Variants in VPS54 observed in about 807,000 individuals in gnomAD.
The protein encoded by VPS54 is vacuolar protein sorting-associated protein 54.
VPS54 carries 45 observed loss-of-function variants against 121.5 expected under a neutral mutation model. The ratio of observed to expected loss-of-function variants is 0.37; its 90% CI spans 0.29 to 0.47. The LOEUF (loss-of-function observed/expected upper bound fraction) is 0.47, where lower values mean the gene tolerates loss of function less well. Ranked by LOEUF, VPS54 falls within the 20% of genes least tolerant of loss-of-function variation. The pLI, the probability that VPS54 is intolerant of heterozygous loss-of-function variation, is 0.99. For synonymous variants in VPS54, 371 were observed against 385.8 expected (o/e 0.96, Z 0.45); for missense variants, 1,090 against 1,131.4 (o/e 0.96, Z 0.52).
intron 1 of VPS54, among the ~76,000 whole-genome samples, chr2:63,990,296 C>CTCTTTT (rs1677256934): frequency 6.6e-6 from 1 of 152,098 alleles, no homozygotes; most frequent in Non-Finnish European, 1.5e-5. Context: ...TTTCTTTTCA[C>CTCTTTT]GAAGAGCCAG....
At chr2:63,941,492 G>C (rs1421825321) in intron 11 of VPS54, among the ~76,000 whole-genome samples, 1 of 152,160 alleles carries the variant, frequency 6.6e-6, no homozygotes, top group Non-Finnish European at 1.5e-5. Context: ...CTCCCAAAGT[G>C]ATAGGATTAC....
At chr2:64,011,611 T>C (rs1165099208) in intron 1 of VPS54, among the ~76,000 whole-genome samples, 1 of 151,984 alleles carries the variant, frequency 6.6e-6, no homozygotes, top group Non-Finnish European at 1.5e-5. Context: ...GGAATATGAA[T>C]AAACTATACT....
At chr2:64,010,187 T>A (rs1678365000) in intron 1 of VPS54, among the ~76,000 whole-genome samples, 1 of 152,224 alleles carries the variant, frequency 6.6e-6, no homozygotes, top group African/African-American at 2.4e-5. Flanking sequence ...AAAGTCTATT[T>A]ATAATTTGAG....
chr2:63,912,886 G>A (rs747731873), intron 18 of VPS54, among the ~76,000 whole-genome samples: 2 of 152,146 alleles, frequency 1.3e-5, no homozygotes, highest in Non-Finnish European at 2.9e-5. Context: ...CTCAAGTTGT[G>A]AGTATTATCA....
chr2:63,968,879 C>T (rs1007768965), intron 5 of VPS54, 78 bp downstream of exon 5: 1 of 1,212,032 alleles, frequency 8.3e-7, no homozygotes, highest in Non-Finnish European at 1.2e-6. Context: ...AAAAAAAAAG[C>T]CAAATGAAAT....
At chr2:64,009,810 T>TCAA (rs774316190) in intron 1 of VPS54, among the ~76,000 whole-genome samples, 2 of 151,756 alleles carry the variant, frequency 1.3e-5, no homozygotes, top group African/African-American at 4.8e-5. Context: ...AGAGGCCATT[T>TCAA]CAACAACAAC....
intron 1 of VPS54, 104 bp from the exon 2 acceptor site, chr2:63,984,123 C>A: frequency 3.9e-6 from 4 of 1,031,978 alleles, no homozygotes. Flanking sequence ...TTTCAAAATA[C>A]CTCAAAGTAG....
Position 63,990,322 on chromosome 2 carries a change from G to A in VPS54, c.-20-6303C>T, listed in dbSNP as rs1019271933. ...GAAGAGCCAGTACTTATAAGCTCCC[G>A]CGGCCACGACTCAGACAGCCCGGGA... On this transcript the variant is annotated intron_variant, in intron 1 of 22. Transcript: ENST00000272322. 4.7e-5 allele frequency among the ~76,000 whole-genome samples: 7 copies of A among 150,086 alleles called. No homozygotes were observed. The East Asian group carries it at 5.8e-4, about 12-fold the overall frequency.
Position 63,980,849 on chromosome 2 carries a change from G to C in VPS54, c.378+797C>G, listed in dbSNP as rs1404738652. 4.6e-5 allele frequency among the ~76,000 whole-genome samples: 7 copies of C among 151,888 alleles called. No homozygotes were observed. The East Asian group carries it at 1.2e-3, about 25-fold the overall frequency. On this transcript the variant is annotated intron_variant, in intron 3 of 22. Coordinates refer to ENST00000272322, the MANE Select transcript of VPS54 (RefSeq NM_016516.3). ...AAACAGTTTTTGTGTTGTTTTCAATGATCAGATCTAAGTGATTGTTAATAT... is the reference window on the plus strand; with the variant it reads ...AAACAGTTTTTGTGTTGTTTTCAATCATCAGATCTAAGTGATTGTTAATAT...
chr2:64,016,363 C>A (rs772334105), intron 1 of VPS54, among the ~76,000 whole-genome samples: 1 of 151,912 alleles, frequency 6.6e-6, no homozygotes, highest in African/African-American at 2.4e-5. Context: ...TTAACATGTA[C>A]ACTGATTTTA....
At chr2:63,907,735 G>C (rs1672966663) in intron 20 of VPS54, among the ~76,000 whole-genome samples, 1 of 151,990 alleles carries the variant, frequency 6.6e-6, no homozygotes, top group African/African-American at 2.4e-5. Flanking sequence ...ACACTTATAA[G>C]ACAAACAACC....
At position 63,933,979 on chromosome 2, in the gene VPS54, G is replaced by A. The variant is rs1674338432; in HGVS notation, c.1433C>T (p.Ser478Leu). The A allele has an allele frequency of 2.5e-6, 4 of 1,613,382 alleles. No individual in the cohort carries two copies. The highest frequency in any genetic ancestry group is 2.5e-6 in the Non-Finnish European group (3 of 1,179,676). The change falls in exon 12 of 23, where the codon TCA (serine) becomes TTA (leucine). Residue 478 changes from serine (S) to leucine (L), a missense_variant. Around this residue, in one of 2 missense-constraint regions of VPS54, gnomAD observed 801 missense variants for 757.0 expected, o/e 1.06. Transcript: ENST00000272322. ...AGTCCTTTGGTTTTTGTCAAGAACTGAGAGAACAACACTGTGAATGATATT... is the reference window on the plus strand; with the variant it reads ...AGTCCTTTGGTTTTTGTCAAGAACTAAGAGAACAACACTGTGAATGATATT... Reference protein sequence around the residue: ...TLNIIHSVVLSVLDKNQRTRE... With the variant: ...TLNIIHSVVLLVLDKNQRTRE...
At chr2:63,938,059 GGTGTGT>G (rs1553475195) in intron 11 of VPS54, among the ~76,000 whole-genome samples, 2 of 140,382 alleles carry the variant, frequency 1.4e-5, no homozygotes, top group East Asian at 2.0e-4. Context: ...TGGTGTGTGT[GGTGTGT>G]GTGTGTGTGT....
chr2:63,958,041 A>AGAGTGGAAT (rs1476489756), intron 7 of VPS54, among the ~76,000 whole-genome samples: 7 of 152,222 alleles, frequency 4.6e-5, no homozygotes, highest in Non-Finnish European at 8.8e-5. Context: ...GGAAAAAAAA[A>AGAGTGGAAT]GAGTGGAATA....
At chr2:63,994,365 G>A (rs1047137602) in intron 1 of VPS54, among the ~76,000 whole-genome samples, 2 of 151,916 alleles carry the variant, frequency 1.3e-5, no homozygotes, top group East Asian at 1.9e-4. Flanking sequence ...TGATTTACCG[G>A]CTACACAAAA....
rs555646607 is a variant in VPS54 at position 63,897,598 on chromosome 2, A to G, written c.2734-8T>C. On this transcript the variant is annotated splice_region_variant and splice_polypyrimidine_tract_variant and intron_variant, in intron 21 of 22. Transcript: ENST00000272322. ...AATTCTTAAAAATAACATCTGAAAA[A>G]GAAATAAAACTAAGTTTCTTAAAGT... The G allele has an allele frequency of 5.0e-5, 73 of 1,463,772 alleles. No homozygotes were observed. In the East Asian group the frequency reaches 1.7e-3, roughly 33 times the overall value. 90.7% of individuals were successfully genotyped at this position (1,463,772 alleles called of 1,614,324 possible). A position where few individuals can be genotyped will look rare whatever the true frequency, so the allele number is the denominator to read the frequency against.
At chr2:64,001,775 C>G (rs1364619945) in intron 1 of VPS54, among the ~76,000 whole-genome samples, 1 of 151,832 alleles carries the variant, frequency 6.6e-6, no homozygotes, top group Non-Finnish European at 1.5e-5. Context: ...CTCCTCTCCC[C>G]AAGCAGAAGG....
rs1414167098 is a variant in VPS54 at position 63,947,449 on chromosome 2, T to G, written c.1179A>C (p.Arg393Ser). 6.5e-7 allele frequency: 1 copy of G among 1,549,036 alleles called. No homozygotes were observed. Residue 393 changes from arginine to serine, a missense_variant, in exon 9 of 23, where the codon AGA (arginine) becomes AGC (serine). Physicochemically the swap from Arg to Ser is moderately radical, Grantham distance 110 (BLOSUM62 -1). This residue lies in a region of VPS54 where 801 missense variants were observed against 757.0 expected (regional missense o/e 1.06). Transcript: ENST00000272322. The stretch of plus-strand genomic sequence containing the variant: ...CATAGATTTCTAAAAAATTAAGCTT[T>G]CTTTGTTTTAAAAGTCCAAATACAA... ...ISLVFGLLKQ[R>S]KLNFLEIYGE...
At chr2:63,960,581 A>AT (rs1675711176) in intron 7 of VPS54, among the ~76,000 whole-genome samples, 1 of 152,180 alleles carries the variant, frequency 6.6e-6, no homozygotes, top group African/African-American at 2.4e-5. Flanking sequence ...CTTTGATTCT[A>AT]TTTCTCAGCT....
Sources: gnomAD v4.1 joint callset for allele counts (sites outside exome capture counted in the v4.1 genomes callset) on GRCh38, gnomAD v4.1.1 for gene constraint, gnomAD v4.1.1 regional missense constraint, MANE v1.5 for transcripts, NCBI Gene and HGNC (gene_info 2026-07-23, HGNC 2026-07-21) for gene names.